Variants in NXPE2 observed in about 807,000 individuals in gnomAD.
The protein encoded by NXPE2 is NXPE family member 2.
NXPE2 carries 34 observed loss-of-function variants against 34.4 expected under a neutral mutation model. The observed-to-expected ratio is 0.99, with a 90% CI of 0.75 to 1.31. The LOEUF (loss-of-function observed/expected upper bound fraction) is 1.31. NXPE2 is among the 40% of genes most tolerant of loss of function. NXPE2 has a pLI of 0.00. For synonymous variants in NXPE2, 235 were observed against 231.3 expected (o/e 1.02, Z -0.15); for missense variants, 649 against 672.5 (o/e 0.97, Z 0.39).
At chr11:114,743,880 CAT>C in the NXPE2 span, among the ~76,000 whole-genome samples, 4 of 150,270 alleles carry the variant, frequency 2.7e-5, no homozygotes, top group African/African-American at 7.3e-5. Flanking sequence ...TATATGTGTA[CAT>C]GTGTATATAT....
the NXPE2 span, among the ~76,000 whole-genome samples, chr11:114,552,311 GAAGAC>G: frequency 2.0e-5 from 3 of 152,098 alleles, no homozygotes; most frequent in Non-Finnish European, 4.4e-5. Context: ...ATACAGAAGA[GAAGAC>G]AAGGGGCAGC....
At chr11:114,632,103 A>C in the NXPE2 span, among the ~76,000 whole-genome samples, 2 of 144,954 alleles carry the variant, frequency 1.4e-5, no homozygotes, top group Non-Finnish European at 3.0e-5. Context: ...AATATAATGT[A>C]ATATATAAAT....
At chr11:114,654,172 C>T in the NXPE2 span, among the ~76,000 whole-genome samples, 1 of 152,064 alleles carries the variant, frequency 6.6e-6, no homozygotes, top group Non-Finnish European at 1.5e-5. Context: ...ATTGAAGTCT[C>T]TTTATCACTG....
At chr11:114,543,090 C>T in the NXPE2 span, among the ~76,000 whole-genome samples, 1 of 151,850 alleles carries the variant, frequency 6.6e-6, no homozygotes, top group Admixed American at 6.6e-5. Flanking sequence ...ACTGTCTCTA[C>T]AAAATACATA....
At chr11:114,727,060 G>A in the NXPE2 span, among the ~76,000 whole-genome samples, 3 of 151,996 alleles carry the variant, frequency 2.0e-5, no homozygotes, top group African/African-American at 7.2e-5. Context: ...AACTCTTTCA[G>A]CTTCCACTCA....
At chr11:114,505,669 G>A in the NXPE2 span, among the ~76,000 whole-genome samples, 1 of 152,066 alleles carries the variant, frequency 6.6e-6, no homozygotes, top group Non-Finnish European at 1.5e-5. Flanking sequence ...TTTCAGACAA[G>A]CAAATGCTGA....
chr11:114,500,457 A>G, the NXPE2 span, among the ~76,000 whole-genome samples: 1,019 of 152,180 alleles, frequency 6.7e-3, 4 homozygotes, highest in Non-Finnish European at 0.01. Context: ...AACCCATTAA[A>G]AAAATGGGTT....
downstream of NXPE2, among the ~76,000 whole-genome samples, chr11:114,709,154 T>C (rs1471300712): frequency 6.6e-6 from 1 of 152,242 alleles, no homozygotes; most frequent in Admixed American, 6.5e-5. Flanking sequence ...AAAAATTAGT[T>C]CCTCAGTTGC....
chr11:114,524,539 T>G, the NXPE2 span, among the ~76,000 whole-genome samples: 1 of 152,232 alleles, frequency 6.6e-6, no homozygotes, highest in Non-Finnish European at 1.5e-5. Flanking sequence ...GTTTGTATAA[T>G]CCTATAATTA....
At chr11:114,765,784 C>T in the NXPE2 span, among the ~76,000 whole-genome samples, 2 of 152,172 alleles carry the variant, frequency 1.3e-5, no homozygotes, top group Non-Finnish European at 2.9e-5. Context: ...TTGTTTCTCT[C>T]CTGCCTTCTT....
At chr11:114,661,471 C>T in the NXPE2 span, among the ~76,000 whole-genome samples, 15 of 152,128 alleles carry the variant, frequency 9.9e-5, no homozygotes, top group Admixed American at 3.3e-4. Context: ...GGTTCAGGAA[C>T]GCTGCCTGTT....
the NXPE2 span, chr11:114,583,067 T>A: frequency 6.5e-7 from 1 of 1,549,496 alleles, no homozygotes; most frequent in Non-Finnish European, 8.7e-7. Context: ...ATTTAGAGCA[T>A]ATCTGAACTG....
At chr11:114,620,367 A>G in the NXPE2 span, among the ~76,000 whole-genome samples, 1 of 151,616 alleles carries the variant, frequency 6.6e-6, no homozygotes, top group Non-Finnish European at 1.5e-5. Context: ...CCGGTGGAAA[A>G]TAAGTGTTGC....
chr11:114,538,875 G>C, the NXPE2 span, among the ~76,000 whole-genome samples: 2 of 151,964 alleles, frequency 1.3e-5, no homozygotes, highest in South Asian at 4.2e-4. Context: ...AGTCAGTGTG[G>C]TGATTCCTCA....
the NXPE2 span, among the ~76,000 whole-genome samples, chr11:114,638,324 T>G: frequency 5.3e-5 from 8 of 152,078 alleles, no homozygotes; most frequent in Non-Finnish European, 1.2e-4. Context: ...TCAGCTCCTT[T>G]AAGCACTTCT....
At chr11:114,476,569 T>G in the NXPE2 span, among the ~76,000 whole-genome samples, 1 of 152,198 alleles carries the variant, frequency 6.6e-6, no homozygotes, top group South Asian at 2.1e-4. Flanking sequence ...ATGGCTGGGT[T>G]AAGCCTCAGG....
chr11:114,624,691 C>T, the NXPE2 span, among the ~76,000 whole-genome samples: 20 of 152,006 alleles, frequency 1.3e-4, no homozygotes, highest in Admixed American at 3.3e-4. Context: ...ATAAGTATTG[C>T]CTCTAGGGTA....
At chr11:114,759,417 A>T in the NXPE2 span, among the ~76,000 whole-genome samples, 1 of 152,246 alleles carries the variant, frequency 6.6e-6, no homozygotes, top group Non-Finnish European at 1.5e-5. Flanking sequence ...TGTTGTGAAG[A>T]TGAAATGAAT....
At chr11:114,769,925 C>T in the NXPE2 span, among the ~76,000 whole-genome samples, 12 of 152,194 alleles carry the variant, frequency 7.9e-5, no homozygotes, top group Admixed American at 2.0e-4. Flanking sequence ...CAAACCTGCA[C>T]GTTCTGCACA....
Sources: gnomAD v4.1 joint callset for allele counts (sites outside exome capture counted in the v4.1 genomes callset) on GRCh38, gnomAD v4.1.1 for gene constraint, MANE v1.5 for transcripts, NCBI Gene and HGNC (gene_info 2026-07-23, HGNC 2026-07-21) for gene names.